Variants in ATP8A2 observed in about 807,000 individuals in gnomAD.
The protein encoded by ATP8A2 is ATPase phospholipid transporting 8A2.
ATP8A2 carries 100 observed loss-of-function variants against 165.6 expected under a neutral mutation model. The ratio of observed to expected loss-of-function variants is 0.60; its 90% CI spans 0.51 to 0.71. ATP8A2 has a LOEUF of 0.71. Among genes scored for constraint, ATP8A2 ranks in the 30% least tolerant of loss-of-function variants. ATP8A2 has a pLI of 0.00. For synonymous variants in ATP8A2, 543 were observed against 548.8 expected (o/e 0.99, Z 0.15); for missense variants, 1,227 against 1,479.5 (o/e 0.83, Z 2.80).
intron 27 of ATP8A2, among the ~76,000 whole-genome samples, chr13:25,784,095 C>T (rs1295671544): frequency 6.6e-6 from 1 of 152,074 alleles, no homozygotes; most frequent in Non-Finnish European, 1.5e-5. Context: ...ACAATCTATG[C>T]TTTTTTTATG....
At chr13:25,414,459 C>T (rs1764648) in intron 1 of ATP8A2, among the ~76,000 whole-genome samples, 41 of 152,124 alleles carry the variant, frequency 2.7e-4, no homozygotes, top group Admixed American at 8.5e-4. Context: ...CCCAAAGTGC[C>T]GGGATTACAG....
intron 36 of ATP8A2, among the ~76,000 whole-genome samples, chr13:26,016,368 G>A (rs1240510045): frequency 2.0e-5 from 3 of 152,084 alleles, no homozygotes; most frequent in Non-Finnish European, 2.9e-5. Flanking sequence ...GGGAAACCTC[G>A]AAACCCTTCC....
intron 25 of ATP8A2, among the ~76,000 whole-genome samples, chr13:25,722,039 G>A (rs376773109): frequency 2.0e-5 from 3 of 152,146 alleles, no homozygotes; most frequent in Non-Finnish European, 4.4e-5. Flanking sequence ...TTCCCCAGTG[G>A]CTGCCTTATT....
At chr13:25,739,546 A>G (rs1408511201) in intron 25 of ATP8A2, among the ~76,000 whole-genome samples, 1 of 152,172 alleles carries the variant, frequency 6.6e-6, no homozygotes, top group Non-Finnish European at 1.5e-5. Context: ...TTCTATTGCA[A>G]AATAAATTCA....
At chr13:25,910,296 G>T (rs182144259) in intron 33 of ATP8A2, among the ~76,000 whole-genome samples, 1 of 152,316 alleles carries the variant, frequency 6.6e-6, no homozygotes, top group Admixed American at 6.5e-5. Flanking sequence ...TGGGTTCTAG[G>T]TTGGCTGGTT....
intron 24 of ATP8A2, among the ~76,000 whole-genome samples, chr13:25,630,043 C>T (rs889326679): frequency 1.3e-5 from 2 of 150,734 alleles, no homozygotes; most frequent in East Asian, 4.0e-4. Flanking sequence ...CATGGACATG[C>T]ACACCACTCT....
At chr13:25,995,021 G>T (rs1233188142) in intron 35 of ATP8A2, among the ~76,000 whole-genome samples, 1 of 151,992 alleles carries the variant, frequency 6.6e-6, no homozygotes, top group African/African-American at 2.4e-5. Flanking sequence ...TATTTAGAGA[G>T]CTATTAAAAT....
chr13:25,377,768 G>A (rs1289576536), intron 1 of ATP8A2, among the ~76,000 whole-genome samples: 1 of 152,038 alleles, frequency 6.6e-6, no homozygotes, highest in Non-Finnish European at 1.5e-5. Flanking sequence ...CTCCAGTCTG[G>A]GCAACAGGGT....
chr13:25,698,087 A>G (rs182846643), intron 24 of ATP8A2, among the ~76,000 whole-genome samples: 1 of 152,348 alleles, frequency 6.6e-6, no homozygotes, highest in African/African-American at 2.4e-5. Context: ...CGTCTTCCAG[A>G]CAGAATAATT....
At chr13:25,617,342 A>T (rs1162397351) in intron 24 of ATP8A2, among the ~76,000 whole-genome samples, 1 of 152,244 alleles carries the variant, frequency 6.6e-6, no homozygotes, top group Non-Finnish European at 1.5e-5. Context: ...TGGAATTTAC[A>T]GGAAAGTCAG....
At chr13:25,628,258 C>T (rs1264894691) in intron 24 of ATP8A2, among the ~76,000 whole-genome samples, 1 of 152,152 alleles carries the variant, frequency 6.6e-6, no homozygotes, top group Non-Finnish European at 1.5e-5. Context: ...AGTCAAGTTA[C>T]AGTTGAGGTC....
At chr13:25,531,571 T>C (rs2038115460) in intron 4 of ATP8A2, among the ~76,000 whole-genome samples, 1 of 151,460 alleles carries the variant, frequency 6.6e-6, no homozygotes, top group Admixed American at 6.6e-5. Flanking sequence ...TGCATCTTTC[T>C]GGGAATAGGT....
chr13:25,768,218 G>A (rs1877240696), intron 25 of ATP8A2, among the ~76,000 whole-genome samples: 1 of 152,110 alleles, frequency 6.6e-6, no homozygotes, highest in African/African-American at 2.4e-5. Flanking sequence ...TCGTGTTGCT[G>A]TGTTTTGTGG....
intron 29 of ATP8A2, among the ~76,000 whole-genome samples, chr13:25,837,512 G>A (rs1951648131): frequency 6.6e-6 from 1 of 150,778 alleles, no homozygotes; most frequent in South Asian, 2.1e-4. Flanking sequence ...TCAGGTGACG[G>A]GTCCATGCTG....
At chr13:25,805,865 T>A (rs1293428386) in intron 27 of ATP8A2, among the ~76,000 whole-genome samples, 1 of 152,136 alleles carries the variant, frequency 6.6e-6, no homozygotes, top group Non-Finnish European at 1.5e-5. Context: ...CCAATATAGT[T>A]TTTTTTTCTG....
In ATP8A2 at chr13:25,907,206, C is replaced by T. The variant is rs975763922; in HGVS notation, c.3183+44798C>T. ...CACTGTGCTACCCGTGTGGAGATCG[C>T]GCCACTGCACTCCAGCCTGGGCGAC... On this transcript the variant is annotated intron_variant, in intron 33 of 36. Transcript: ENST00000381655. 1.6e-4 allele frequency among the ~76,000 whole-genome samples: 25 copies of T among 152,146 alleles called. No individual in the cohort carries two copies. In the East Asian group the frequency reaches 1.7e-3, roughly 11 times the overall value.
intron 18 of ATP8A2, among the ~76,000 whole-genome samples, chr13:25,572,567 A>ATCAAATAGGAGG (rs1225116691): frequency 6.6e-6 from 1 of 152,210 alleles, no homozygotes; most frequent in African/African-American, 2.4e-5. Context: ...AAATAATTAT[A>ATCAAATAGGAGG]TCAAATAGGA....
intron 33 of ATP8A2, among the ~76,000 whole-genome samples, chr13:25,925,007 T>A (rs1399067772): frequency 6.6e-6 from 1 of 152,166 alleles, no homozygotes; most frequent in Non-Finnish European, 1.5e-5. Flanking sequence ...GATTAACCAG[T>A]CTCAGATACG....
At chr13:25,644,914 C>A (rs895340747) in intron 24 of ATP8A2, among the ~76,000 whole-genome samples, 2 of 152,098 alleles carry the variant, frequency 1.3e-5, no homozygotes, top group Non-Finnish European at 1.5e-5. Context: ...TCTTTCATTG[C>A]TGATTTTATT....
Sources: gnomAD v4.1 joint callset for allele counts (sites outside exome capture counted in the v4.1 genomes callset) on GRCh38, gnomAD v4.1.1 for gene constraint, MANE v1.5 for transcripts, NCBI Gene and HGNC (gene_info 2026-07-23, HGNC 2026-07-21) for gene names.